GALNT1: variants seen among roughly 807,000 people sequenced by gnomAD.
The protein encoded by GALNT1 is GalNAc transferase 1.
In GALNT1, 17 loss-of-function variants were observed where a neutral mutation model predicts 65.7. The ratio of observed to expected loss-of-function variants is 0.26; its 90% CI spans 0.18 to 0.39. The LOEUF is 0.39. GALNT1 is among the 10% of genes least tolerant of loss of function. The pLI is 1.00. For synonymous variants in GALNT1, 210 were observed against 219.7 expected, an observed-to-expected ratio of 0.96 and a Z score of 0.39; for missense variants, 460 against 672.8, an observed-to-expected ratio of 0.68 and a Z score of 3.50.
intron 1 of GALNT1, among the ~76,000 whole-genome samples, chr18:35,638,684 A>G: frequency 6.6e-6 from 1 of 152,198 alleles, no homozygotes; most frequent in Middle Eastern, 3.2e-3. Context: ...GCATCTTTCT[A>G]CAATTTTTCC....
chr18:35,653,628 C>G (rs1456354264), intron 1 of GALNT1, among the ~76,000 whole-genome samples: 1 of 152,220 alleles, frequency 6.6e-6, no homozygotes, highest in African/African-American at 2.4e-5. Context: ...AGCTGCTGAG[C>G]AGGAGATTCT....
chr18:35,633,390 T>G (rs1174434894), intron 1 of GALNT1, among the ~76,000 whole-genome samples: 1 of 152,140 alleles, frequency 6.6e-6, no homozygotes, highest in Non-Finnish European at 1.5e-5. Flanking sequence ...TCATGTCCTT[T>G]GTAGGGACAT....
intron 1 of GALNT1, among the ~76,000 whole-genome samples, chr18:35,589,937 A>G (rs1490958068): frequency 6.6e-6 from 1 of 152,266 alleles, no homozygotes; most frequent in African/African-American, 2.4e-5. Flanking sequence ...CAAAGTTTCT[A>G]AATGCTTGCT....
intron 1 of GALNT1, among the ~76,000 whole-genome samples, chr18:35,614,495 G>C (rs2046758090): frequency 6.6e-6 from 1 of 152,134 alleles, no homozygotes; most frequent in Non-Finnish European, 1.5e-5. Flanking sequence ...CATAGTATTT[G>C]ATAGAGAAAC....
chr18:35,631,503 A>G (rs1278081641), intron 1 of GALNT1, among the ~76,000 whole-genome samples: 2 of 152,228 alleles, frequency 1.3e-5, no homozygotes, highest in African/African-American at 2.4e-5. Flanking sequence ...ACAAAATTCA[A>G]CAGCCTTTCA....
chr18:35,640,206 G>T (rs1437632266), intron 1 of GALNT1, among the ~76,000 whole-genome samples: 1 of 152,140 alleles, frequency 6.6e-6, no homozygotes, highest in East Asian at 1.9e-4. Flanking sequence ...TACCCTTTAA[G>T]ATCAGGAATA....
At chr18:35,640,593 A>G (rs1192743586) in intron 1 of GALNT1, among the ~76,000 whole-genome samples, 2 of 152,214 alleles carry the variant, frequency 1.3e-5, no homozygotes, top group African/African-American at 4.8e-5. Context: ...AGTTGATTCT[A>G]AAATTTTTGA....
intron 10 of GALNT1, 100 bp from the exon 11 acceptor site, chr18:35,703,409 G>T: frequency 9.2e-7 from 1 of 1,088,276 alleles, no homozygotes; most frequent in South Asian, 1.6e-5. Flanking sequence ...CATAAATCAT[G>T]TACCTTGAAA....
chr18:35,681,793 C>G (rs1471357801), intron 4 of GALNT1, among the ~76,000 whole-genome samples: 3 of 152,046 alleles, frequency 2.0e-5, no homozygotes, highest in Non-Finnish European at 2.9e-5. Context: ...CTAGGATTCT[C>G]TTGTTGTAGA....
At chr18:35,606,781 T>G (rs1203481500) in intron 1 of GALNT1, among the ~76,000 whole-genome samples, 1 of 151,522 alleles carries the variant, frequency 6.6e-6, no homozygotes, top group Non-Finnish European at 1.5e-5. Flanking sequence ...ATGTTTCAAG[T>G]GGGGTTTGGG....
rs746541620 is a variant in GALNT1, at chr18:35,703,500, T to C, written c.1399-9T>C. On this transcript the variant is annotated splice_polypyrimidine_tract_variant and intron_variant, in intron 10 of 11. Coordinates refer to ENST00000269195, the MANE Select transcript of GALNT1 (RefSeq NM_020474.4). ...TTTTCTGTTTATGTGTGTGCATTTT[T>C]ATTTCCAGGTTTTCTCTTATACTGC... 6.2e-7 allele frequency: 1 copy of C among 1,611,394 alleles called. No homozygotes were observed. The highest frequency in any genetic ancestry group is 1.7e-5 in the Admixed American group (1 of 59,542).
At chr18:35,602,242 G>A (rs1331877268) in intron 1 of GALNT1, among the ~76,000 whole-genome samples, 2 of 152,098 alleles carry the variant, frequency 1.3e-5, no homozygotes, top group Admixed American at 1.3e-4. Context: ...ATGAATTAGA[G>A]CTCCTTTGCA....
intron 1 of GALNT1, among the ~76,000 whole-genome samples, chr18:35,635,598 A>G (rs1311284595): frequency 6.6e-6 from 1 of 152,172 alleles, no homozygotes; most frequent in Non-Finnish European, 1.5e-5. Context: ...CGATTCATAC[A>G]GTTGAAATAC....
chr18:35,632,575 C>G (rs958033430), intron 1 of GALNT1, among the ~76,000 whole-genome samples: 1 of 152,070 alleles, frequency 6.6e-6, no homozygotes, highest in African/African-American at 2.4e-5. Flanking sequence ...ACTTAAATGT[C>G]AGACCTAAAA....
chr18:35,596,061 A>G (rs1398906199), intron 1 of GALNT1: 1 of 152,202 alleles, frequency 6.6e-6, no homozygotes, highest in Non-Finnish European at 1.5e-5. Context: ...AAAACAGCAG[A>G]GAGTTTGGAG....
chr18:35,594,808 ATGG>A (rs1330889944), intron 1 of GALNT1, among the ~76,000 whole-genome samples: 1 of 152,160 alleles, frequency 6.6e-6, no homozygotes, highest in Non-Finnish European at 1.5e-5. Flanking sequence ...GGAGACCATG[ATGG>A]TGGTGTATTT....
intron 6 of GALNT1, among the ~76,000 whole-genome samples, chr18:35,687,535 A>C (rs1000735031): frequency 6.6e-6 from 1 of 152,208 alleles, no homozygotes; most frequent in African/African-American, 2.4e-5. Context: ...GTATGTGAAG[A>C]TACTACCTAA....
At chr18:35,632,107 G>A (rs1462739781) in intron 1 of GALNT1, among the ~76,000 whole-genome samples, 1 of 152,210 alleles carries the variant, frequency 6.6e-6, no homozygotes, top group Admixed American at 6.5e-5. Flanking sequence ...GCAATATTGT[G>A]AAAATGGCCA....
rs188049240 is a variant in GALNT1, at chr18:35,701,657, G to A, written c.1300-1240G>A. Among the ~76,000 whole-genome samples, 59 of 152,274 alleles carry A rather than the reference G, an allele frequency of 3.9e-4. No individual in the cohort carries two copies. In the Middle Eastern group the frequency reaches 0.014, roughly 35 times the overall value. Reference sequence around the variant, plus strand: ...GCTTGAATAATTGGACAAGTTGTGGGAATAGTAATAAAAATAGGGATATCA... The same window carrying A: ...GCTTGAATAATTGGACAAGTTGTGGAAATAGTAATAAAAATAGGGATATCA... On this transcript the variant is annotated intron_variant, in intron 9 of 11. Coordinates refer to ENST00000269195, the MANE Select transcript of GALNT1 (RefSeq NM_020474.4).
Sources: gnomAD v4.1 joint callset for allele counts (sites outside exome capture counted in the v4.1 genomes callset) on GRCh38, gnomAD v4.1.1 for gene constraint, MANE v1.5 for transcripts, NCBI Gene and HGNC (gene_info 2026-07-23, HGNC 2026-07-21) for gene names.